NF1: variants seen among roughly 807,000 people sequenced by gnomAD.
The protein encoded by NF1 is neurofibromin 1, also known as neurofibromin.
Under a neutral mutation model 325.7 loss-of-function variants are expected in NF1, and 122 were observed. The ratio of observed to expected loss-of-function variants is 0.37; its 90% CI spans 0.32 to 0.44. NF1 has a LOEUF of 0.44. Among genes scored for constraint, NF1 ranks in the 20% least tolerant of loss-of-function variants. The pLI is 1.00. For missense variants in NF1, 2,140 were observed against 3,415.4 expected (o/e 0.63, Z 9.31); for synonymous variants, 1,091 against 1,186.0 (o/e 0.92, Z 1.65).
intron 5 of NF1, among the ~76,000 whole-genome samples, chr17:31,173,110 G>A (rs777622480): frequency 8.6e-5 from 13 of 151,790 alleles, no homozygotes; most frequent in Non-Finnish European, 1.8e-4. Flanking sequence ...GGGAAACTCC[G>A]TCTCCATTAA....
At position 31,373,925 on chromosome 17, in the gene NF1, G is replaced by A. The variant is rs2070692906; in HGVS notation, c.8378-88G>A. ...GCCTAATGATTGTTTCCTAGAATGT[G>A]TCCCCGTTGTTAAGCGACACATGAC... On this transcript the variant is annotated intron_variant, in intron 57 of 57. Coordinates refer to ENST00000358273, the MANE Select transcript of NF1 (RefSeq NM_001042492.3). The A allele has an allele frequency of 4.7e-5, 71 of 1,524,348 alleles. 1 individual carries two copies. The South Asian group carries it at 8.0e-4, about 17-fold the overall frequency. The allele number at this position is 1,524,348 out of a possible 1,614,324, so 94.4% of individuals were successfully genotyped here.
chr17:31,264,120 C>T (rs151304390), intron 35 of NF1, among the ~76,000 whole-genome samples: 73 of 152,178 alleles, frequency 4.8e-4, no homozygotes, highest in East Asian at 3.1e-3. Flanking sequence ...AAATTTAGGC[C>T]GAGTGCGGTG....
intron 1 of NF1, among the ~76,000 whole-genome samples, chr17:31,098,952 A>AAG (rs1237414375): frequency 6.6e-6 from 1 of 151,370 alleles, no homozygotes; most frequent in African/African-American, 2.4e-5. Context: ...AAAAAAAAAA[A>AAG]GAATCTTAAT....
At chr17:31,310,073 G>T (rs1442065264) in intron 36 of NF1, among the ~76,000 whole-genome samples, 2 of 152,144 alleles carry the variant, frequency 1.3e-5, no homozygotes, top group Non-Finnish European at 2.9e-5. Flanking sequence ...TTTCCCAGCG[G>T]TAATGAGGCC....
intron 1 of NF1, among the ~76,000 whole-genome samples, chr17:31,155,338 T>C (rs2065640942): frequency 6.6e-6 from 1 of 152,172 alleles, no homozygotes; most frequent in Non-Finnish European, 1.5e-5. Context: ...GGTCTTCTCA[T>C]AGAATATTTT....
chr17:31,321,519 T>G, intron 36 of NF1: 1 of 152,190 alleles, frequency 6.6e-6, no homozygotes, highest in East Asian at 1.9e-4. Context: ...GGTCAAAATC[T>G]GATTATAACG....
At chr17:31,342,340 G>A (rs1408116527) in intron 47 of NF1, among the ~76,000 whole-genome samples, 2 of 152,168 alleles carry the variant, frequency 1.3e-5, no homozygotes, top group Admixed American at 6.5e-5. Context: ...GCGCATGTTT[G>A]TAATTCCAGC....
At chr17:31,340,349 G>C (rs1459564439) in intron 46 of NF1, 156 bp from the exon 47 acceptor site, 2 of 887,102 alleles carry the variant, frequency 2.3e-6, no homozygotes, top group Non-Finnish European at 3.5e-6. Flanking sequence ...TATACATATG[G>C]AAAAGTGAAG....
In NF1 at chr17:31,103,829, A is replaced by C. The variant is rs900677859; in HGVS notation, c.60+8460A>C. ...TACAAAAAGTAAAAAAAACAAATAA[A>C]AAAAAAATCAGCCAGTGTGCATTGG... is the stretch of plus-strand genomic sequence containing the variant. On this transcript the variant is annotated intron_variant, in intron 1 of 57. Transcript: ENST00000358273. Among the ~76,000 whole-genome samples, 3 of 152,236 alleles carry C rather than the reference A, an allele frequency of 2.0e-5. No individual in the cohort carries two copies. The East Asian group carries it at 5.8e-4, about 29-fold the overall frequency.
chr17:31,152,584 T>A (rs1567812820), intron 1 of NF1, among the ~76,000 whole-genome samples: 2 of 150,942 alleles, frequency 1.3e-5, no homozygotes. Context: ...AAGCATTATC[T>A]TCTGTGTTAA....
intron 36 of NF1, chr17:31,314,009 A>G (rs1190717165): frequency 7.5e-6 from 3 of 398,056 alleles, no homozygotes; most frequent in Non-Finnish European, 1.3e-5. Context: ...GCAGAATGCT[A>G]AATTCTTGTT....
intron 13 of NF1, among the ~76,000 whole-genome samples, chr17:31,214,948 A>G (rs568326604): frequency 6.6e-6 from 1 of 152,266 alleles, no homozygotes; most frequent in East Asian, 1.9e-4. Flanking sequence ...GTCTACATCT[A>G]TACTGTTGGT....
At chr17:31,118,804 C>T (rs1914177901) in intron 1 of NF1, among the ~76,000 whole-genome samples, 1 of 151,894 alleles carries the variant, frequency 6.6e-6, no homozygotes, top group Admixed American at 6.6e-5. Flanking sequence ...GGGTATATAC[C>T]CAGTAATTGG....
intron 57 of NF1, chr17:31,362,483 C>A: frequency 4.1e-6 from 1 of 242,452 alleles, no homozygotes; most frequent in Non-Finnish European, 6.6e-6. Flanking sequence ...TTTTGTACTA[C>A]ATTCATTGCC....
intron 1 of NF1, among the ~76,000 whole-genome samples, chr17:31,135,800 C>CTCCTGA (rs1241563042): frequency 2.6e-5 from 4 of 151,684 alleles, no homozygotes; most frequent in African/African-American, 9.7e-5. Context: ...TAGTCTTGAA[C>CTCCTGA]TCCTGAGCTC....
At chr17:31,129,619 C>CG (rs1915181208) in intron 1 of NF1, among the ~76,000 whole-genome samples, 2 of 151,938 alleles carry the variant, frequency 1.3e-5, no homozygotes, top group Non-Finnish European at 1.5e-5. Flanking sequence ...TTCGTAGAGA[C>CG]GGGGTTTCAC....
intron 36 of NF1, chr17:31,319,104 G>A (rs1465941946): frequency 7.1e-7 from 1 of 1,403,382 alleles, no homozygotes; most frequent in African/African-American, 1.4e-5. Flanking sequence ...AAAAGATAGT[G>A]TTGAGATGTT....
intron 37 of NF1, among the ~76,000 whole-genome samples, chr17:31,326,746 G>T (rs1419638932): frequency 6.6e-6 from 1 of 152,156 alleles, no homozygotes; most frequent in East Asian, 1.9e-4. Flanking sequence ...TTTTATTCTA[G>T]CTTAGGCTGG....
At chr17:31,225,548 A>C (rs2066998602) in intron 17 of NF1, among the ~76,000 whole-genome samples, 1 of 152,192 alleles carries the variant, frequency 6.6e-6, no homozygotes, top group Admixed American at 6.5e-5. Context: ...AATTATAATT[A>C]TTATAAACCT....
Sources: allele counts gnomAD v4.1 joint callset (sites outside exome capture counted in the v4.1 genomes callset), GRCh38; gene constraint gnomAD v4.1.1; transcripts MANE v1.5; gene names NCBI Gene and HGNC (gene_info 2026-07-23, HGNC 2026-07-21).